Variants in SUCLG2 observed in about 807,000 individuals in gnomAD.
The protein encoded by SUCLG2 is succinate-CoA ligase GDP-forming subunit beta, also known as succinate--CoA ligase [GDP-forming] subunit beta, mitochondrial.
SUCLG2 carries 42 observed loss-of-function variants against 47.9 expected under a neutral mutation model. The observed-to-expected ratio is 0.88, with a 90% confidence interval of 0.69 to 1.14. The LOEUF is 1.14. Ranked by LOEUF, SUCLG2 falls within the 50% of genes most tolerant of loss-of-function variation. SUCLG2 has a pLI of 0.00. For missense variants in SUCLG2, 571 were observed against 525.9 expected (o/e 1.09, Z -0.84); for synonymous variants, 195 against 197.3 (o/e 0.99, Z 0.10).
intron 2 of SUCLG2, among the ~76,000 whole-genome samples, chr3:67,542,718 G>C (rs1361085840): frequency 2.0e-5 from 3 of 152,108 alleles, no homozygotes; most frequent in African/African-American, 7.2e-5. Flanking sequence ...GATCAAAAGA[G>C]ACAAAGAAGG....
intron 9 of SUCLG2, among the ~76,000 whole-genome samples, chr3:67,467,882 A>C (rs1704512492): frequency 6.6e-6 from 1 of 152,174 alleles, no homozygotes; most frequent in Non-Finnish European, 1.5e-5. Flanking sequence ...ATTCCAATCA[A>C]GGCTTACTCA....
chr3:67,543,434 A>G (rs1370016840), intron 2 of SUCLG2, among the ~76,000 whole-genome samples: 4 of 152,180 alleles, frequency 2.6e-5, no homozygotes, highest in African/African-American at 9.7e-5. Context: ...TGGGAGGCTG[A>G]GACAGGTGGG....
intron 9 of SUCLG2, among the ~76,000 whole-genome samples, chr3:67,416,204 T>C (rs760073328): frequency 3.9e-5 from 6 of 152,172 alleles, no homozygotes; most frequent in Non-Finnish European, 7.4e-5. Flanking sequence ...AAACTCAAGG[T>C]TGAATTGTTG....
intron 2 of SUCLG2, among the ~76,000 whole-genome samples, chr3:67,547,400 T>A (rs1179035968): frequency 1.3e-5 from 2 of 152,202 alleles, no homozygotes; most frequent in Non-Finnish European, 2.9e-5. Flanking sequence ...TACTCTATTT[T>A]CTACTTTAGT....
At chr3:67,607,414 A>G (rs1700439040) in intron 2 of SUCLG2, among the ~76,000 whole-genome samples, 1 of 152,212 alleles carries the variant, frequency 6.6e-6, no homozygotes. Context: ...ATATATTATT[A>G]ACATTAATTT....
chr3:67,441,243 G>A (rs13088840), intron 9 of SUCLG2, among the ~76,000 whole-genome samples: 5,115 of 152,176 alleles, frequency 0.034, 112 homozygotes, highest in African/African-American at 0.058. Flanking sequence ...GGGGGCTAGG[G>A]GAGGGATAGC....
At position 67,520,484 on chromosome 3, in the gene SUCLG2, TA is replaced by T. The variant is rs1559556178; in HGVS notation, c.567del (p.Phe189LeufsTer11). 6.2e-7 allele frequency: 1 copy of T among 1,613,956 alleles called. No homozygotes were observed. The highest frequency in any genetic ancestry group is 8.5e-7 in the Non-Finnish European group (1 of 1,179,892). ...GGTAGCCCGGAATTTAAACATACCT[TA>T]AAAATGAGCTCCGGGTTTGAAGCAG... ...EVAASNPELI[F>X]KEQIDIFEGI... is the part of the protein sequence containing the mutation. On this transcript the variant is annotated frameshift_variant, in exon 5 of 11. Coordinates refer to ENST00000307227, the MANE Select transcript of SUCLG2 (RefSeq NM_003848.4). LOFTEE classifies it high-confidence loss of function.
At chr3:67,541,274 C>T (rs6768958) in intron 2 of SUCLG2, among the ~76,000 whole-genome samples, 12,558 of 152,106 alleles carry the variant, frequency 0.083, 643 homozygotes, top group East Asian at 0.22. Flanking sequence ...TAAAGAAGCA[C>T]GTTATAACCC....
At chr3:67,563,522 T>C (rs1330122498) in intron 2 of SUCLG2, among the ~76,000 whole-genome samples, 2 of 152,150 alleles carry the variant, frequency 1.3e-5, no homozygotes, top group African/African-American at 2.4e-5. Context: ...CTGTTCCCTA[T>C]ACACTGACCT....
At chr3:67,539,444 T>C (rs1706640186) in intron 2 of SUCLG2, among the ~76,000 whole-genome samples, 1 of 152,246 alleles carries the variant, frequency 6.6e-6, no homozygotes, top group Admixed American at 6.5e-5. Flanking sequence ...TTTGTTGTGC[T>C]GCTGAATTCG....
At chr3:67,608,253 C>T (rs1460831030) in intron 2 of SUCLG2, among the ~76,000 whole-genome samples, 4 of 152,186 alleles carry the variant, frequency 2.6e-5, no homozygotes, top group Non-Finnish European at 5.9e-5. Context: ...ACTCACCCTG[C>T]AAAGGCTTCT....
chr3:67,474,515 G>T (rs778280280), intron 9 of SUCLG2, among the ~76,000 whole-genome samples: 14 of 152,152 alleles, frequency 9.2e-5, no homozygotes, highest in Non-Finnish European at 2.1e-4. Flanking sequence ...CCTTTCAGAA[G>T]AATATGCCAA....
At position 67,637,279 on chromosome 3, in the gene SUCLG2, T is replaced by C. The variant is rs532223586; in HGVS notation, c.84+17224A>G. On this transcript the variant is annotated intron_variant, in intron 1 of 10. Coordinates refer to ENST00000307227, the MANE Select transcript of SUCLG2 (RefSeq NM_003848.4). ...CTTGAATCTTAATAAGCCCACAGTA[T>C]ATGAACTGCCTCTAATTAGATTCAG... is the stretch of plus-strand genomic sequence containing the variant. 2.0e-5 allele frequency among the ~76,000 whole-genome samples: 3 copies of C among 152,312 alleles called. No homozygotes were observed. In the East Asian group the frequency reaches 5.8e-4, roughly 29 times the overall value.
chr3:67,482,357 G>A lies in SUCLG2; in HGVS notation c.1062+13441C>T, dbSNP rs1485815026. Among the ~76,000 whole-genome samples, 3 of 152,300 alleles carry A rather than the reference G, an allele frequency of 2.0e-5. No individual in the cohort carries two copies. The East Asian group carries it at 5.8e-4, about 29-fold the overall frequency. On this transcript the variant is annotated intron_variant, in intron 9 of 10. Coordinates refer to ENST00000307227, the MANE Select transcript of SUCLG2 (RefSeq NM_003848.4). The stretch of plus-strand genomic sequence containing the variant: ...TTATTTAAGGTATTTCACACTGTAG[G>A]ATAAATTGGTGCAACTTTCAATTGG...
At chr3:67,607,236 G>C (rs1700435102) in intron 2 of SUCLG2, among the ~76,000 whole-genome samples, 1 of 152,140 alleles carries the variant, frequency 6.6e-6, no homozygotes, top group African/African-American at 2.4e-5. Flanking sequence ...AGTCTCTTGA[G>C]CACCTGAAAT....
intron 2 of SUCLG2, among the ~76,000 whole-genome samples, chr3:67,567,177 T>C (rs1307105325): frequency 6.6e-6 from 1 of 151,336 alleles, no homozygotes; most frequent in Non-Finnish European, 1.5e-5. Context: ...AGTAAGAGCC[T>C]GTCTCAAAAG....
intron 2 of SUCLG2, among the ~76,000 whole-genome samples, chr3:67,529,899 G>A (rs1237267780): frequency 2.0e-5 from 3 of 152,154 alleles, no homozygotes; most frequent in Admixed American, 6.5e-5. Context: ...CCCTTGCAGG[G>A]AAGTTGGGTG....
intron 10 of SUCLG2, among the ~76,000 whole-genome samples, chr3:67,367,487 T>A (rs1262371515): frequency 2.0e-5 from 3 of 152,206 alleles, no homozygotes; most frequent in African/African-American, 7.2e-5. Flanking sequence ...CTTTTGGTAA[T>A]TTTTGTCTTT....
intron 9 of SUCLG2, among the ~76,000 whole-genome samples, chr3:67,418,107 T>G (rs753830069): frequency 6.6e-6 from 1 of 152,220 alleles, no homozygotes; most frequent in Non-Finnish European, 1.5e-5. Flanking sequence ...CTATCACTTA[T>G]TAGCTGTGTG....
Sources: gnomAD v4.1 joint callset for allele counts (sites outside exome capture counted in the v4.1 genomes callset) on GRCh38, gnomAD v4.1.1 for gene constraint, MANE v1.5 for transcripts, NCBI Gene and HGNC (gene_info 2026-07-23, HGNC 2026-07-21) for gene names.